SULF1: variants seen among roughly 807,000 people sequenced by gnomAD.
SULF1 encodes extracellular sulfatase Sulf-1.
In SULF1, 46 loss-of-function variants were observed where a neutral mutation model predicts 110.5. The ratio of observed to expected loss-of-function variants is 0.42; its 90% CI spans 0.33 to 0.53. The LOEUF (loss-of-function observed/expected upper bound fraction) is 0.53, where lower values mean the gene tolerates loss of function less well. Among genes scored for constraint, SULF1 ranks in the 20% least tolerant of loss-of-function variants. The pLI is 0.12. For missense variants in SULF1, 941 were observed against 1,094.2 expected (o/e 0.86, Z 1.98); for synonymous variants, 371 against 387.1 (o/e 0.96, Z 0.49).
At chr8:69,608,892 G>T (rs16936176) in intron 13 of SULF1, among the ~76,000 whole-genome samples, 1 of 151,930 alleles carries the variant, frequency 6.6e-6, no homozygotes, top group Non-Finnish European at 1.5e-5. Context: ...TTACACCCCC[G>T]GACACGTTTA....
intron 1 of SULF1, among the ~76,000 whole-genome samples, chr8:69,481,591 C>G (rs1809524154): frequency 6.6e-6 from 1 of 152,092 alleles, no homozygotes; most frequent in South Asian, 2.1e-4. Context: ...ATTAGCTATT[C>G]TTCCTGATGC....
intron 3 of SULF1, among the ~76,000 whole-genome samples, chr8:69,518,089 T>G (rs78072280): frequency 0.012 from 1,779 of 152,344 alleles, 29 homozygotes; most frequent in African/African-American, 0.04. Flanking sequence ...AAGTCATTAT[T>G]TCTTCAAATA....
chr8:69,629,774 C>A, intron 19 of SULF1, 95 bp downstream of exon 19: 1 of 1,145,098 alleles, frequency 8.7e-7, no homozygotes, highest in Non-Finnish European at 1.2e-6. Context: ...GAGGAATCTA[C>A]AAAGATTCAA....
chr8:69,647,973 C>T (rs950213089), intron 22 of SULF1, among the ~76,000 whole-genome samples: 1 of 151,144 alleles, frequency 6.6e-6, no homozygotes, highest in African/African-American at 2.4e-5. Context: ...AGCCAATTTA[C>T]AATTTGCTTT....
At chr8:69,631,665 C>A (rs1810556499) in intron 19 of SULF1, among the ~76,000 whole-genome samples, 1 of 152,268 alleles carries the variant, frequency 6.6e-6, no homozygotes, top group African/African-American at 2.4e-5. Flanking sequence ...CTGCTTCAGC[C>A]ACTCAACTTC....
chr8:69,496,929 T>C (rs1810402340), intron 2 of SULF1, among the ~76,000 whole-genome samples: 1 of 152,168 alleles, frequency 6.6e-6, no homozygotes, highest in African/African-American at 2.4e-5. Context: ...CTCAACTTTC[T>C]CTTGGGTTTG....
intron 7 of SULF1, 83 bp from the exon 8 acceptor site, chr8:69,588,889 T>A (rs1806664138): frequency 5.7e-6 from 8 of 1,407,054 alleles, no homozygotes; most frequent in East Asian, 4.6e-5. Context: ...AGTGAATTGC[T>A]TCTGAGGAAA....
At chr8:69,603,369 A>G in intron 11 of SULF1, 49 bp downstream of exon 11, 1 of 1,612,294 alleles carries the variant, frequency 6.2e-7, no homozygotes, top group Non-Finnish European at 8.5e-7. Context: ...ACTGAGCTCC[A>G]GCTGGTGCCC....
At chr8:69,530,853 T>C (rs1586319950) in intron 3 of SULF1, among the ~76,000 whole-genome samples, 1 of 152,324 alleles carries the variant, frequency 6.6e-6, no homozygotes, top group Middle Eastern at 3.4e-3. Flanking sequence ...TCCAAAGGGA[T>C]TGAAGCTGTT....
intron 3 of SULF1, among the ~76,000 whole-genome samples, chr8:69,527,103 G>T (rs1298507685): frequency 6.6e-6 from 1 of 152,080 alleles, no homozygotes; most frequent in African/African-American, 2.4e-5. Context: ...CTCCCTTCCG[G>T]TTTGCTGATA....
At chr8:69,618,727 G>A (rs1253288348) in intron 13 of SULF1, among the ~76,000 whole-genome samples, 1 of 152,178 alleles carries the variant, frequency 6.6e-6, no homozygotes, top group East Asian at 1.9e-4. Context: ...AGTATAGGGG[G>A]CTAAAGCAAA....
intron 3 of SULF1, among the ~76,000 whole-genome samples, chr8:69,529,641 G>A (rs1485854229): frequency 1.3e-5 from 2 of 152,040 alleles, no homozygotes; most frequent in East Asian, 1.9e-4. Flanking sequence ...TTGTTCTAAG[G>A]GACTTACTAG....
chr8:69,595,998 G>A (rs950895201), intron 8 of SULF1, among the ~76,000 whole-genome samples: 8 of 152,064 alleles, frequency 5.3e-5, no homozygotes, highest in Non-Finnish European at 7.3e-5. Flanking sequence ...AAGCAATACC[G>A]GAAAGAAAAT....
intron 22 of SULF1, among the ~76,000 whole-genome samples, chr8:69,643,695 C>A (rs1811659666): frequency 6.6e-6 from 1 of 152,078 alleles, no homozygotes; most frequent in South Asian, 2.1e-4. Flanking sequence ...TTTCTTTTCT[C>A]TTCCTTTTGC....
At chr8:69,490,925 A>G (rs141533095), upstream of SULF1, among the ~76,000 whole-genome samples, 3 of 152,232 alleles carry the variant, frequency 2.0e-5, no homozygotes, top group Admixed American at 2.0e-4. Context: ...TAACAAAATG[A>G]GAGATGATCC....
intron 1 of SULF1, among the ~76,000 whole-genome samples, chr8:69,479,297 G>C (rs1809422721): frequency 1.3e-5 from 2 of 152,192 alleles, no homozygotes; most frequent in African/African-American, 4.8e-5. Flanking sequence ...TAAAATAACA[G>C]CTAGACCAGA....
intron 8 of SULF1, among the ~76,000 whole-genome samples, chr8:69,590,687 C>T (rs778212043): frequency 1.3e-5 from 2 of 152,134 alleles, no homozygotes; most frequent in African/African-American, 2.4e-5. Context: ...AAAATATCAT[C>T]GACAAATCAT....
At chr8:69,564,321 A>G (rs1815714206) in intron 5 of SULF1, among the ~76,000 whole-genome samples, 174 bp downstream of exon 5, 1 of 152,288 alleles carries the variant, frequency 6.6e-6, no homozygotes, top group South Asian at 2.1e-4. Flanking sequence ...GTGTTTCAGC[A>G]TTACTTTTCT....
In SULF1 at chr8:69,659,565, GT is replaced by G. The variant is rs1242161785; in HGVS notation, c.*1033del. The G allele has an allele frequency of 1.2e-5, 3 of 245,740 alleles. No individual in the cohort carries two copies. In the East Asian group the frequency reaches 3.2e-4, roughly 26 times the overall value. 15.2% of individuals were successfully genotyped at this position (245,740 alleles called of 1,614,324 possible). ...TTGGCTTGGTTTTGATTTTTTGCTT[GT>G]TTGTTTGTTTTGTACTAAAACAGTA... On this transcript the variant is annotated 3_prime_UTR_variant, in exon 23 of 23. Transcript: ENST00000402687.
Sources: allele counts gnomAD v4.1 joint callset (sites outside exome capture counted in the v4.1 genomes callset), GRCh38; gene constraint gnomAD v4.1.1; transcripts MANE v1.5; gene names NCBI Gene and HGNC (gene_info 2026-07-23, HGNC 2026-07-21).